The following ZNF883 variants were observed in gnomAD, a reference collection of about 807,000 sequenced individuals.
ZNF883 encodes zinc finger protein 883.
chr9:113,003,608 G>T (rs1828447405), intron 2 of ZNF883, among the ~76,000 whole-genome samples: 1 of 150,090 alleles, frequency 6.7e-6, no homozygotes, highest in Non-Finnish European at 1.5e-5. Flanking sequence ...TGGAAATGAT[G>T]CTATATTTAA....
upstream of ZNF883, among the ~76,000 whole-genome samples, chr9:112,999,496 A>G (rs12339797): frequency 6.2e-3 from 949 of 152,258 alleles, 9 homozygotes; most frequent in Middle Eastern, 0.031. Context: ...CCCTCAAGTT[A>G]AAGGGCTCAG....
At chr9:112,999,680 A>G (rs78623295), upstream of ZNF883, 8,863 of 152,288 alleles carry the variant, frequency 0.058, 353 homozygotes, top group East Asian at 0.091. Context: ...CCAGTTTATT[A>G]TAAAGGATAC....
chr9:113,006,052 G>A (rs1828471949), intron 2 of ZNF883, among the ~76,000 whole-genome samples: 1 of 146,614 alleles, frequency 6.8e-6, no homozygotes, highest in East Asian at 2.1e-4. Flanking sequence ...GAGGCATACA[G>A]TAAAGAAACC....
downstream of ZNF883, among the ~76,000 whole-genome samples, chr9:112,995,184 T>G (rs925642957): frequency 6.6e-6 from 1 of 152,140 alleles, no homozygotes; most frequent in African/African-American, 2.4e-5. Context: ...TCCAATCCAT[T>G]GTAGGCCCAA....
intron 1 of ZNF883, 46 bp downstream of exon 1, chr9:113,012,104 C>T (rs988053641): frequency 2.0e-5 from 3 of 152,242 alleles, no homozygotes; most frequent in Non-Finnish European, 4.4e-5. Flanking sequence ...GGACCTCTCT[C>T]CCCACCTCCC....
exon 1 of ZNF883, chr9:112,998,233 G>A (rs377074284): frequency 2.0e-5 from 32 of 1,598,758 alleles, no homozygotes; most frequent in Admixed American, 8.8e-5. Flanking sequence ...ATGGGTTCGC[G>A]GTCATATAAA....
chr9:113,004,249 C>A (rs952450763), intron 2 of ZNF883, among the ~76,000 whole-genome samples: 2 of 152,170 alleles, frequency 1.3e-5, no homozygotes, highest in African/African-American at 2.4e-5. Context: ...GATGACCTTG[C>A]TGACAGCTTG....
upstream of ZNF883, among the ~76,000 whole-genome samples, chr9:113,003,124 G>A (rs1306925403): frequency 1.3e-5 from 2 of 152,116 alleles, no homozygotes; most frequent in Non-Finnish European, 2.9e-5. Flanking sequence ...AATCTCACCT[G>A]GAATTGTCCC....
At chr9:112,997,385 G>A (rs1442094132) in exon 1 of ZNF883, 8 of 1,613,920 alleles carry the variant, frequency 5.0e-6, no homozygotes, top group Non-Finnish European at 5.9e-6. Context: ...ACATTGATAG[G>A]GTTTCACACA....
exon 1 of ZNF883, chr9:112,998,232 C>T (rs372484597): frequency 6.2e-5 from 99 of 1,599,524 alleles, no homozygotes; most frequent in African/African-American, 2.0e-4. Context: ...TATGGGTTCG[C>T]GGTCATATAA....
chr9:113,009,592 C>G (rs1002993495), intron 2 of ZNF883, among the ~76,000 whole-genome samples: 1 of 151,884 alleles, frequency 6.6e-6, no homozygotes, highest in Non-Finnish European at 1.5e-5. Flanking sequence ...CCAGTGCAAT[C>G]TCCACCTCCC....
At chr9:113,006,898 T>TCAAA (rs1554768009) in intron 2 of ZNF883, among the ~76,000 whole-genome samples, 34 of 151,080 alleles carry the variant, frequency 2.3e-4, no homozygotes, top group South Asian at 1.0e-3. Context: ...GGTAATTTTT[T>TCAAA]AAAAAAAAAA....
downstream of ZNF883, among the ~76,000 whole-genome samples, chr9:112,993,279 C>A (rs1828318519): frequency 6.6e-6 from 1 of 152,138 alleles, no homozygotes; most frequent in Non-Finnish European, 1.5e-5. Flanking sequence ...TTTGTTGATA[C>A]TGTTGTTGCT....
At chr9:113,000,663 G>A (rs1407879562), upstream of ZNF883, among the ~76,000 whole-genome samples, 2 of 152,094 alleles carry the variant, frequency 1.3e-5, no homozygotes, top group Non-Finnish European at 2.9e-5. Flanking sequence ...CAAGGAGGCT[G>A]GAAGAATAGT....
rs1828294428 is a variant in ZNF883 at position 112,990,753 on chromosome 9, T to TG, written n.310-7175_310-7174insC. ...AAATCCATCTGGTCCTGGGCTTTTT[T>TG]TTTGTTGTTGTTGGTAGCTTATTAT... On this transcript the variant is annotated intron_variant and non_coding_transcript_variant, in intron 1 of 9. Transcript: ENST00000638823. 2.0e-5 allele frequency among the ~76,000 whole-genome samples: 3 copies of TG among 152,280 alleles called. No individual in the cohort carries two copies. In the South Asian group the frequency reaches 6.2e-4, roughly 32 times the overall value.
exon 1 of ZNF883, chr9:112,997,424 T>A (rs529232880): frequency 6.2e-7 from 1 of 1,614,032 alleles, no homozygotes; most frequent in African/African-American, 1.3e-5. Context: ...TTCAGTAAGG[T>A]GTGTACTTCG....
chr9:112,998,892 AGTT>A (rs1265782255), upstream of ZNF883: 2 of 152,050 alleles, frequency 1.3e-5, no homozygotes, highest in Admixed American at 6.6e-5. Flanking sequence ...GTTTCCTCGA[AGTT>A]GTTATATTCA....
chr9:112,995,522 C>T (rs1194753337), downstream of ZNF883, among the ~76,000 whole-genome samples: 1 of 151,682 alleles, frequency 6.6e-6, no homozygotes. Context: ...TCCTCTCTCT[C>T]TCTTTCCTAC....
chr9:112,988,341 C>T (rs1828272215), intron 1 of ZNF883, among the ~76,000 whole-genome samples: 1 of 147,352 alleles, frequency 6.8e-6, no homozygotes, highest in South Asian at 2.1e-4. Flanking sequence ...TGTTCCTCTC[C>T]CTGTGTCCAT....
Sources: gnomAD v4.1 joint callset for allele counts (sites outside exome capture counted in the v4.1 genomes callset) on GRCh38, gnomAD v4.1.1 for gene constraint, MANE v1.5 for transcripts, NCBI Gene and HGNC (gene_info 2026-07-23, HGNC 2026-07-21) for gene names.